Variants in MOB2 observed in about 807,000 individuals in gnomAD.
The protein encoded by MOB2 is MOB2 Mps One Binder homolog.
A neutral mutation model predicts 27.4 loss-of-function variants in MOB2; 14 were observed. The observed-to-expected ratio is 0.51, with a 90% confidence interval of 0.34 to 0.80. The LOEUF (loss-of-function observed/expected upper bound fraction) is 0.80. MOB2 is among the 30% of genes least tolerant of loss of function. MOB2 has a pLI of 0.01. For missense variants in MOB2, 304 were observed against 354.6 expected, an observed-to-expected ratio of 0.86 and a Z score of 1.15; for synonymous variants, 167 against 151.8, an observed-to-expected ratio of 1.10 and a Z score of -0.74.
At chr11:1,470,972 G>A (rs529484197) in intron 4 of MOB2, among the ~76,000 whole-genome samples, 267 of 152,350 alleles carry the variant, frequency 1.8e-3, no homozygotes, top group Non-Finnish European at 3.2e-3. Context: ...CAGGCTTGGC[G>A]GCTGATACCC....
intron 3 of MOB2, 65 bp from the exon 4 acceptor site, chr11:1,471,484 A>G (rs1014063759): frequency 1.3e-6 from 2 of 1,555,028 alleles, no homozygotes; most frequent in Admixed American, 3.6e-5. Flanking sequence ...ACTGGGTCCC[A>G]CCCGCTCAGG....
At chr11:1,471,086 T>C (rs967490617) in intron 4 of MOB2, among the ~76,000 whole-genome samples, 10 of 152,218 alleles carry the variant, frequency 6.6e-5, no homozygotes, top group Non-Finnish European at 1.5e-4. Flanking sequence ...AGATGGCCCT[T>C]GGCCCTGGCT....
At chr11:1,473,395 G>A (rs1384449348) in intron 3 of MOB2, 2 of 152,302 alleles carry the variant, frequency 1.3e-5, no homozygotes, top group African/African-American at 2.4e-5. Context: ...GAGGACGCAC[G>A]TATCCCCACT....
chr11:1,481,756 A>G (rs1054958065), intron 1 of MOB2, among the ~76,000 whole-genome samples: 1 of 38,940 alleles, frequency 2.6e-5, no homozygotes, highest in Admixed American at 3.4e-4. Context: ...GGGCAGGGGC[A>G]GGGGCAGGGA....
intron 1 of MOB2, 32 bp downstream of exon 1, chr11:1,486,415 A>C (rs1590769489): frequency 6.8e-7 from 1 of 1,478,656 alleles, no homozygotes. Context: ...TGTGCTACAC[A>C]CCCCTCCCCC....
Position 1,471,565 on chromosome 11 carries a change from C to T in MOB2, c.366-146G>A, listed in dbSNP as rs1847791639. 6.7e-6 allele frequency: 6 copies of T among 899,280 alleles called. No individual in the cohort carries two copies. The South Asian group carries it at 8.1e-5, about 12-fold the overall frequency. 55.7% of individuals were successfully genotyped at this position (899,280 alleles called of 1,614,324 possible). On this transcript the variant is annotated intron_variant, in intron 3 of 4. Coordinates refer to ENST00000329957, the MANE Select transcript of MOB2 (RefSeq NM_001172223.3). ...CCAGGTGTCTCCCTCCCTGGACATG[C>T]ACACTGTCCCCACACACTGTCTGCG...
In MOB2 at chr11:1,470,090, A is replaced by G. The variant is rs1847763414; in HGVS notation, c.*82T>C. ...AGACCTCACCACACGCGTGCCCAGCACATGTGTGCACACGCAGATGCAGGA... is the reference window on the plus strand; with the variant it reads ...AGACCTCACCACACGCGTGCCCAGCGCATGTGTGCACACGCAGATGCAGGA... On this transcript the variant is annotated 3_prime_UTR_variant, in exon 5 of 5. Transcript: ENST00000329957. 3.2e-6 allele frequency: 5 copies of G among 1,545,470 alleles called. No homozygotes were observed. In the South Asian group the frequency reaches 3.6e-5, roughly 11 times the overall value.
At position 1,469,733 on chromosome 11, in the gene MOB2, G is replaced by C. The variant is rs1276890400; in HGVS notation, c.*439C>G. 2 of 463,832 alleles carry C rather than the reference G, an allele frequency of 4.3e-6. No homozygotes were observed. The highest frequency in any genetic ancestry group is 8.6e-6 in the Non-Finnish European group (2 of 232,184). 28.7% of individuals were successfully genotyped at this position (463,832 alleles called of 1,614,324 possible). On this transcript the variant is annotated 3_prime_UTR_variant, in exon 5 of 5. Coordinates refer to ENST00000329957, the MANE Select transcript of MOB2 (RefSeq NM_001172223.3). The stretch of plus-strand genomic sequence containing the variant: ...CGAGGCCGGGAGAGGAGGGGTGAGA[G>C]GGAAGGAGGGTCTCTGTGAAAGCAA...
intron 4 of MOB2, among the ~76,000 whole-genome samples, 155 bp from the exon 5 acceptor site, chr11:1,470,643 G>A (rs1476528445): frequency 6.6e-6 from 1 of 152,224 alleles, no homozygotes; most frequent in African/African-American, 2.4e-5. Flanking sequence ...AACAGCTTCT[G>A]CCCATCAGCA....
chr11:1,482,527 C>G (rs1847926151), intron 1 of MOB2, among the ~76,000 whole-genome samples: 1 of 152,216 alleles, frequency 6.6e-6, no homozygotes, highest in South Asian at 2.1e-4. Flanking sequence ...GCACTGGCAC[C>G]TCAGCCTCCC....
chr11:1,480,332 G>A lies in MOB2; in HGVS notation c.365+61C>T, dbSNP rs1252683483. On this transcript the variant is annotated intron_variant, in intron 3 of 4. Coordinates refer to ENST00000329957, the MANE Select transcript of MOB2 (RefSeq NM_001172223.3). ...GAGAGGACAGGAGCCTGGGGCAGCGGGGGCTCAGAGCCCCACCGAGTCTCC... is the reference window on the plus strand; with the variant it reads ...GAGAGGACAGGAGCCTGGGGCAGCGAGGGCTCAGAGCCCCACCGAGTCTCC... The A allele has an allele frequency of 6.0e-6, 9 of 1,491,690 alleles. No individual in the cohort carries two copies. The African/African-American group carries it at 6.9e-5, about 11-fold the overall frequency. 92.4% of individuals were successfully genotyped at this position (1,491,690 alleles called of 1,614,324 possible).
intron 1 of MOB2, among the ~76,000 whole-genome samples, 197 bp downstream of exon 1, chr11:1,486,250 G>A (rs1026531816): frequency 9.9e-5 from 15 of 152,252 alleles, no homozygotes; most frequent in Non-Finnish European, 5.9e-5. Flanking sequence ...AGGCTGGCCC[G>A]GGACTGCACA....
intron 3 of MOB2, among the ~76,000 whole-genome samples, chr11:1,476,643 T>A (rs1322950307): frequency 6.6e-6 from 1 of 152,276 alleles, no homozygotes; most frequent in African/African-American, 2.4e-5. Flanking sequence ...TTCTTGTCCT[T>A]GATTTTGACT....
In MOB2 at chr11:1,484,577, G is replaced by A. The variant is rs544835795; in HGVS notation, c.110+1870C>T. ...GGGTCTCAGCACACCTTGCTGCCCA[G>A]GGTGCACGCCACGGGCACCTCCTGT... is the stretch of plus-strand genomic sequence containing the variant. On this transcript the variant is annotated intron_variant, in intron 1 of 4. Coordinates refer to ENST00000329957, the MANE Select transcript of MOB2 (RefSeq NM_001172223.3). Among the ~76,000 whole-genome samples, 6 of 152,230 alleles carry A rather than the reference G, an allele frequency of 3.9e-5. No individual in the cohort carries two copies. The East Asian group carries it at 1.2e-3, about 30-fold the overall frequency.
Position 1,470,035 on chromosome 11 carries a change from G to A in MOB2, c.*137C>T, listed in dbSNP as rs1209125042. 9.8e-6 allele frequency: 15 copies of A among 1,535,112 alleles called. No individual in the cohort carries two copies. The highest frequency in any genetic ancestry group is 1.4e-5 in the African/African-American group (1 of 73,050). The stretch of plus-strand genomic sequence containing the variant: ...GGCCGTCTGCGTCTGTGCCTGTGCA[G>A]CCCACACCAGTGCAGCCCGGGGCCC... On this transcript the variant is annotated 3_prime_UTR_variant, in exon 5 of 5. Coordinates refer to ENST00000329957, the MANE Select transcript of MOB2 (RefSeq NM_001172223.3).
chr11:1,470,021 T>TCTGTGC lies in MOB2; in HGVS notation c.*145_*150dup, dbSNP rs755663699. Reference sequence around the variant, plus strand: ...CAGGACACGGCCGGGGCCGTCTGCGTCTGTGCCTGTGCAGCCCACACCAGT... The same window carrying TCTGTGC: ...CAGGACACGGCCGGGGCCGTCTGCGTCTGTGCCTGTGCCTGTGCAGCCCACACCAGT... On this transcript the variant is annotated 3_prime_UTR_variant, in exon 5 of 5. Transcript: ENST00000329957. The TCTGTGC allele has an allele frequency of 2.0e-6, 3 of 1,532,588 alleles. No homozygotes were observed. The highest frequency in any genetic ancestry group is 1.2e-5 in the South Asian group (1 of 83,220). 94.9% of individuals were successfully genotyped at this position (1,532,588 alleles called of 1,614,324 possible). A position where few individuals can be genotyped will look rare whatever the true frequency, so the allele number is the denominator to read the frequency against.
intron 1 of MOB2, among the ~76,000 whole-genome samples, chr11:1,483,969 G>C (rs1847942976): frequency 6.6e-6 from 1 of 152,192 alleles, no homozygotes; most frequent in African/African-American, 2.4e-5. Context: ...ACAGGCAGGG[G>C]GAGCTGGGGA....
chr11:1,482,525 A>T (rs1347293171), intron 1 of MOB2, among the ~76,000 whole-genome samples: 1 of 152,078 alleles, frequency 6.6e-6, no homozygotes, highest in Non-Finnish European at 1.5e-5. Context: ...CGGCACTGGC[A>T]CCTCAGCCTC....
At chr11:1,486,072 AAC>A (rs1382883472) in intron 1 of MOB2, among the ~76,000 whole-genome samples, 1 of 152,224 alleles carries the variant, frequency 6.6e-6, no homozygotes, top group African/African-American at 2.4e-5. Flanking sequence ...GCGGCTGAGG[AAC>A]CACACCCTGT....
Sources: allele counts gnomAD v4.1 joint callset (sites outside exome capture counted in the v4.1 genomes callset), GRCh38; gene constraint gnomAD v4.1.1; transcripts MANE v1.5; gene names NCBI Gene and HGNC (gene_info 2026-07-23, HGNC 2026-07-21).